The following MEA1 variants were observed in gnomAD, a reference collection of about 807,000 sequenced individuals.
MEA1 encodes male-enhanced antigen 1.
A neutral mutation model predicts 21.4 loss-of-function variants in MEA1; 22 were observed. The ratio of observed to expected loss-of-function variants is 1.03; its 90% CI spans 0.73 to 1.47. The LOEUF (loss-of-function observed/expected upper bound fraction) is 1.47, where lower values mean the gene tolerates loss of function less well. Ranked by LOEUF, MEA1 falls within the 40% of genes most tolerant of loss-of-function variation. MEA1 has a pLI of 0.00. For synonymous variants in MEA1, 91 were observed against 85.5 expected, an observed-to-expected ratio of 1.06 and a Z score of -0.35; for missense variants, 233 against 230.5, an observed-to-expected ratio of 1.01 and a Z score of -0.07.
At chr6:43,013,521 C>T in intron 1 of MEA1, 132 bp from the exon 2 acceptor site, 1 of 1,029,990 alleles carries the variant, frequency 9.7e-7, no homozygotes, top group Non-Finnish European at 1.4e-6. Flanking sequence ...TCCTCCACCC[C>T]TCCGCCCCAA....
rs566067415 is a variant in MEA1 at position 43,011,249 on chromosome 6, C to T, written c.*1221G>A. 48 of 1,614,028 alleles carry T rather than the reference C, an allele frequency of 3.0e-5. No individual in the cohort carries two copies. Among genetic ancestry groups the T allele is most frequent in the South Asian group, 1.5e-4 (14 of 91,084 alleles). ...AAGGCACTGGAGGCGCACAAGCGGG[C>T]GGAAGAGTTCCTAACTGCCAGCCAG... On this transcript the variant is annotated 3_prime_UTR_variant, in exon 4 of 4. Transcript: ENST00000244711.
At chr6:43,012,775 A>G in intron 3 of MEA1, 151 bp downstream of exon 3, 1 of 1,224,620 alleles carries the variant, frequency 8.2e-7, no homozygotes, top group Non-Finnish European at 1.2e-6. Context: ...AAGCTAGCAA[A>G]AGAGCATTTC....
Position 43,012,460 on chromosome 6 carries a change from C to G in MEA1, c.*10G>C, listed in dbSNP as rs773307951. The G allele has an allele frequency of 1.3e-6, 2 of 1,586,704 alleles. No individual in the cohort carries two copies. Among genetic ancestry groups the G allele is most frequent in the Non-Finnish European group, 1.7e-6 (2 of 1,169,102 alleles). On this transcript the variant is annotated 3_prime_UTR_variant, in exon 4 of 4. Transcript: ENST00000244711. Reference sequence around the variant, plus strand: ...TGGAATGTAGGAATATAAGGCAGCTCTCACTGTGGTCACTTCCAGGCAGGG... The same window carrying G: ...TGGAATGTAGGAATATAAGGCAGCTGTCACTGTGGTCACTTCCAGGCAGGG...
chr6:43,012,865 A>G (rs1762419688), intron 3 of MEA1, 61 bp downstream of exon 3: 4 of 1,492,780 alleles, frequency 2.7e-6, no homozygotes, highest in Non-Finnish European at 3.7e-6. Context: ...ACTTCCTTCT[A>G]CTGACTCATG....
At chr6:43,015,818 C>T (rs552476111), upstream of MEA1, among the ~76,000 whole-genome samples, 50 of 145,958 alleles carry the variant, frequency 3.4e-4, no homozygotes, top group Non-Finnish European at 6.0e-4. Context: ...TGCACCATTG[C>T]GCTCCAGCCT....
In MEA1 at chr6:43,011,277, G is replaced by A. The variant is rs769974849; in HGVS notation, c.*1193C>T. On this transcript the variant is annotated 3_prime_UTR_variant, in exon 4 of 4. Coordinates refer to ENST00000244711, the MANE Select transcript of MEA1 (RefSeq NM_014623.4). ...AAGAGTTCCTAACTGCCAGCCAGGA[G>A]GCTCTCTGACCCCTCACGTTCCTAC... 8 of 1,613,920 alleles carry A rather than the reference G, an allele frequency of 5.0e-6. No individual in the cohort carries two copies. The Admixed American group carries it at 1.0e-4, about 20-fold the overall frequency.
Position 43,013,498 on chromosome 6 carries a change from C to A in MEA1, c.29-109G>T, listed in dbSNP as rs1762453004. The A allele has an allele frequency of 2.4e-6, 3 of 1,249,574 alleles. No homozygotes were observed. The East Asian group carries it at 7.6e-5, about 31-fold the overall frequency. The allele number at this position is 1,249,574 out of a possible 1,614,324, so 77.4% of individuals were successfully genotyped here. ...TGCGTGCAAAAAACCAGCTCCTCCC[C>A]GAGGCTCCTGCATCCTCCACCCCTC... On this transcript the variant is annotated intron_variant, in intron 1 of 3. Coordinates refer to ENST00000244711, the MANE Select transcript of MEA1 (RefSeq NM_014623.4).
chr6:43,013,642 C>T, intron 1 of MEA1, 144 bp downstream of exon 1: 2 of 943,176 alleles, frequency 2.1e-6, no homozygotes, highest in East Asian at 2.6e-5. Context: ...GGCCCTGCCA[C>T]CTCCTAAAAG....
rs1252622707 is a variant in MEA1 at position 43,012,123 on chromosome 6, T to G, written c.*347A>C. 1.2e-6 allele frequency: 1 copy of G among 817,480 alleles called. No homozygotes were observed. The highest frequency in any genetic ancestry group is 5.9e-5 in the Admixed American group (1 of 17,014). The allele number at this position is 817,480 out of a possible 1,614,324, so 50.6% of individuals were successfully genotyped here. ...GCCAACACCTATTTATTTCCTTGTT[T>G]GTGCTATGCTGGGCAGGCCTTCTCT... On this transcript the variant is annotated 3_prime_UTR_variant, in exon 4 of 4. Transcript: ENST00000244711.
At chr6:43,015,971 C>G (rs1409878704), upstream of MEA1, among the ~76,000 whole-genome samples, 2 of 151,264 alleles carry the variant, frequency 1.3e-5, no homozygotes, top group Admixed American at 6.6e-5. Context: ...GAGTCTCGCT[C>G]TGTCGCCAGA....
In MEA1 at chr6:43,011,646, C is replaced by T. The variant is rs1351852564; in HGVS notation, c.*824G>A. The T allele has an allele frequency of 4.7e-5, 12 of 255,008 alleles. No homozygotes were observed. The highest frequency in any genetic ancestry group is 1.3e-3 in the Middle Eastern group (1 of 758). 15.8% of individuals were successfully genotyped at this position (255,008 alleles called of 1,614,324 possible). A position where few individuals can be genotyped will look rare whatever the true frequency, so the allele number is the denominator to read the frequency against. On this transcript the variant is annotated 3_prime_UTR_variant, in exon 4 of 4. Coordinates refer to ENST00000244711, the MANE Select transcript of MEA1 (RefSeq NM_014623.4). ...ATTCTTCCCTTCATCCTCATTTGAA[C>T]GCCAGGTATCTCCCCTCCTCTCTCT...
Position 43,011,726 on chromosome 6 carries a change from C to G in MEA1, c.*744G>C, listed in dbSNP as rs1762360520. ...GAGATTATTCTCACCAAAGTTATGT[C>G]AAGCCCCATTGGTCCCAGAGTAGCT... On this transcript the variant is annotated 3_prime_UTR_variant, in exon 4 of 4. Coordinates refer to ENST00000244711, the MANE Select transcript of MEA1 (RefSeq NM_014623.4). 5.7e-6 allele frequency: 1 copy of G among 174,284 alleles called. No individual in the cohort carries two copies. Among genetic ancestry groups the G allele is most frequent in the Non-Finnish European group, 1.2e-5 (1 of 81,134 alleles). 10.8% of individuals were successfully genotyped at this position (174,284 alleles called of 1,614,324 possible). A position where few individuals can be genotyped will look rare whatever the true frequency, so the allele number is the denominator to read the frequency against.
upstream of MEA1, chr6:43,013,951 C>G: frequency 6.9e-7 from 1 of 1,451,218 alleles, no homozygotes; most frequent in Non-Finnish European, 9.1e-7. Flanking sequence ...GCAGAGGTGC[C>G]TAGTCCTCCA....
Position 43,013,855 on chromosome 6 carries a change from G to A in MEA1, c.-42C>T, listed in dbSNP as rs1054081011. 3.4e-6 allele frequency: 2 copies of A among 581,340 alleles called. No homozygotes were observed. The highest frequency in any genetic ancestry group is 5.1e-6 in the Non-Finnish European group (2 of 394,124). 36.0% of individuals were successfully genotyped at this position (581,340 alleles called of 1,614,324 possible). ...GCCCCAGCTGCAGCGTCCCCCACCC[G>A]CCCCCATCCGAATCCCGGCGCCGGT... On this transcript the variant is annotated 5_prime_UTR_variant, in exon 1 of 4. Transcript: ENST00000244711.
At position 43,012,427 on chromosome 6, in the gene MEA1, T is replaced by A. The variant is rs1762397632; in HGVS notation, c.*43A>T. 1.3e-6 allele frequency: 2 copies of A among 1,546,390 alleles called. No homozygotes were observed. Among genetic ancestry groups the A allele is most frequent in the South Asian group, 2.5e-5 (2 of 79,826 alleles). On this transcript the variant is annotated 3_prime_UTR_variant, in exon 4 of 4. Transcript: ENST00000244711. ...AGGGATGTGTTCAGTCCTGTGCTGG[T>A]TCTGGCCTGGAATGTAGGAATATAA...
upstream of MEA1, chr6:43,014,071 T>G (rs1288237595): frequency 1.4e-6 from 2 of 1,418,446 alleles, no homozygotes; most frequent in African/African-American, 2.9e-5. Flanking sequence ...CCCAGTGGCC[T>G]CCTCGGTCTC....
rs769633836 is a variant in MEA1 at position 43,012,908 on chromosome 6, G to A, written c.406+18C>T. The A allele has an allele frequency of 1.9e-6, 3 of 1,602,654 alleles. No homozygotes were observed. The African/African-American group carries it at 4.0e-5, about 22-fold the overall frequency. On this transcript the variant is annotated intron_variant, in intron 3 of 3. Transcript: ENST00000244711. The stretch of plus-strand genomic sequence containing the variant: ...ATTTCCTTAGTAATTATTCCAGAAT[G>A]AAAGAATGATCTTTTACCTGGGTCC...
rs979954418 is a variant in MEA1 at position 43,013,891 on chromosome 6, G to A, written c.-78C>T. On this transcript the variant is annotated 5_prime_UTR_variant, in exon 1 of 4. Transcript: ENST00000244711. ...AATCCCGGCGCCGGTGTTCCCGCGC[G>A]CCTCACCCGCTCAGAGCCCGCGGCC... 2.1e-6 allele frequency: 3 copies of A among 1,438,348 alleles called. No homozygotes were observed. Among genetic ancestry groups the A allele is most frequent in the Non-Finnish European group, 2.8e-6 (3 of 1,086,654 alleles). The allele number at this position is 1,438,348 out of a possible 1,614,324, so 89.1% of individuals were successfully genotyped here. A position where few individuals can be genotyped will look rare whatever the true frequency, so the allele number is the denominator to read the frequency against.
rs754711875 is a variant in MEA1 at position 43,013,240 on chromosome 6, C to T, written c.178G>A (p.Glu60Lys). The T allele has an allele frequency of 5.4e-5, 87 of 1,614,054 alleles. No individual in the cohort carries two copies. The highest frequency in any genetic ancestry group is 7.0e-5 in the Non-Finnish European group (83 of 1,180,036). The stretch of plus-strand genomic sequence containing the variant: ...TAGCCAGCTGGGCCCGACCCCGTTT[C>T]CTCCTGCTCTTCCTCAGGCTCCTCA... The part of the protein sequence containing the change: ...SSEEPEEEQE[E>K]TGSGPAGYSY... Residue 60 changes from glutamate to lysine, a missense_variant, in exon 2 of 4, where the codon GAA becomes AAA. Physicochemically the swap from Glu to Lys is moderately conservative, Grantham distance 56. Transcript: ENST00000244711.
Sources: gnomAD v4.1 joint callset for allele counts (sites outside exome capture counted in the v4.1 genomes callset) on GRCh38, gnomAD v4.1.1 for gene constraint, MANE v1.5 for transcripts, NCBI Gene and HGNC (gene_info 2026-07-23, HGNC 2026-07-21) for gene names.